The following PXK variants were observed in gnomAD, a reference collection of about 807,000 sequenced individuals.
The protein encoded by PXK is PX domain-containing protein kinase-like protein.
In PXK, 35 loss-of-function variants were observed where a neutral mutation model predicts 84.7. That is an observed-to-expected ratio of 0.41 (90% confidence interval 0.32 to 0.55). The LOEUF (loss-of-function observed/expected upper bound fraction) is 0.55. Among genes scored for constraint, PXK ranks in the 20% least tolerant of loss-of-function variants. The pLI is 0.21. For synonymous variants in PXK, 253 were observed against 260.8 expected, an observed-to-expected ratio of 0.97 and a Z score of 0.29; for missense variants, 634 against 699.7, an observed-to-expected ratio of 0.91 and a Z score of 1.06.
chr3:58,423,076 T>C, intron 17 of PXK: 2 of 985,408 alleles, frequency 2.0e-6, no homozygotes, highest in Non-Finnish European at 2.4e-6. Flanking sequence ...TCGGGCCCAC[T>C]TGGTGTTGCA....
In PXK at chr3:58,349,304, A is replaced by G. The variant is rs139648396; in HGVS notation, c.102+16214A>G. ...AGATCCATGTTATATTAAGTGAGAG[A>G]AAAAGCAAGTCATAACACACTATGT... On this transcript the variant is annotated intron_variant, in intron 1 of 17. Coordinates refer to ENST00000356151, the MANE Select transcript of PXK (RefSeq NM_017771.5). 2.8e-3 allele frequency among the ~76,000 whole-genome samples: 432 copies of G among 152,246 alleles called. 1 individual carries two copies. The highest frequency in any genetic ancestry group is 0.01 in the African/African-American group (419 of 41,542).
At chr3:58,345,491 C>T (rs1559865857) in intron 1 of PXK, among the ~76,000 whole-genome samples, 1 of 152,260 alleles carries the variant, frequency 6.6e-6, no homozygotes, top group South Asian at 2.1e-4. Context: ...TGTAGAATTA[C>T]CGTTTTTATG....
chr3:58,343,312 A>G (rs2097767469), intron 1 of PXK, among the ~76,000 whole-genome samples: 1 of 152,140 alleles, frequency 6.6e-6, no homozygotes, highest in African/African-American at 2.4e-5. Flanking sequence ...CTCACACCAG[A>G]CCTCTAGCAT....
chr3:58,367,870 A>C (rs2098298559), intron 2 of PXK, among the ~76,000 whole-genome samples: 1 of 151,954 alleles, frequency 6.6e-6, no homozygotes, highest in Admixed American at 6.6e-5. Context: ...TTTTTTATAG[A>C]GATGGGGTTT....
At chr3:58,373,171 A>G (rs939565286) in intron 3 of PXK, among the ~76,000 whole-genome samples, 2 of 147,278 alleles carry the variant, frequency 1.4e-5, no homozygotes, top group Non-Finnish European at 3.0e-5. Flanking sequence ...TCCACCTCCC[A>G]GGTTCACGCC....
At chr3:58,353,464 A>C (rs1343077480) in intron 1 of PXK, among the ~76,000 whole-genome samples, 1 of 152,218 alleles carries the variant, frequency 6.6e-6, no homozygotes, top group African/African-American at 2.4e-5. Context: ...GCATATTATT[A>C]GATTGCAGAA....
rs2097524999 is a variant in PXK, at chr3:58,333,140, G to A, written c.102+50G>A. 2.0e-6 allele frequency: 2 copies of A among 1,018,986 alleles called. No individual in the cohort carries two copies. Among genetic ancestry groups the A allele is most frequent in the South Asian group, 4.5e-5 (1 of 22,158 alleles). 63.1% of individuals were successfully genotyped at this position (1,018,986 alleles called of 1,614,324 possible). On this transcript the variant is annotated intron_variant, in intron 1 of 17. Coordinates refer to ENST00000356151, the MANE Select transcript of PXK (RefSeq NM_017771.5). This position sits in a 1 kb window ranked among gnomAD's most constrained non-coding sequence, Gnocchi z 5.4. ...GCGGCGTGGGGCGGCCCCGGGCCGCGAGGGGGCTGCGGGCTGCCTGGCGCG... is the reference window on the plus strand; with the variant it reads ...GCGGCGTGGGGCGGCCCCGGGCCGCAAGGGGGCTGCGGGCTGCCTGGCGCG...
intron 17 of PXK, among the ~76,000 whole-genome samples, chr3:58,418,470 G>A (rs549415959): frequency 6.6e-6 from 1 of 152,266 alleles, no homozygotes; most frequent in South Asian, 2.1e-4. Context: ...TTTCTTCAGG[G>A]TGCGCTGCAG....
At chr3:58,403,503 A>G (rs1365684940) in intron 12 of PXK, among the ~76,000 whole-genome samples, 1 of 152,254 alleles carries the variant, frequency 6.6e-6, no homozygotes, top group Non-Finnish European at 1.5e-5. Context: ...GAAAAATAGC[A>G]GAAAACTATT....
At position 58,425,164 on chromosome 3, in the gene PXK, A is replaced by G; in HGVS notation, c.*204A>G. 1 of 754,006 alleles carries G rather than the reference A, an allele frequency of 1.3e-6. No homozygotes were observed. The highest frequency in any genetic ancestry group is 2.1e-6 in the Non-Finnish European group (1 of 484,050). 46.7% of individuals were successfully genotyped at this position (754,006 alleles called of 1,614,324 possible). ...GTTAGGCTGGCATTGCTCCCTTAAG[A>G]TCTTGCTCCTTTATTAACCCTGTAA... On this transcript the variant is annotated 3_prime_UTR_variant, in exon 18 of 18. Transcript: ENST00000356151.
chr3:58,360,986 C>T (rs187007908), intron 1 of PXK, among the ~76,000 whole-genome samples: 5 of 152,004 alleles, frequency 3.3e-5, no homozygotes, highest in Non-Finnish European at 7.4e-5. Flanking sequence ...TAATTATTAC[C>T]TGGGGAAGCT....
rs557720082 is a variant in PXK at position 58,394,955 on chromosome 3, A to G, written c.616-43A>G. ...AGATCCTGTATTTAAAAGGACCTAGATCCTGACGCAAATCAATGTGAATTT... is the reference window on the plus strand; with the variant it reads ...AGATCCTGTATTTAAAAGGACCTAGGTCCTGACGCAAATCAATGTGAATTT... On this transcript the variant is annotated intron_variant, in intron 7 of 17. Transcript: ENST00000356151. 38 of 1,471,820 alleles carry G rather than the reference A, an allele frequency of 2.6e-5. No homozygotes were observed. The South Asian group carries it at 4.3e-4, about 17-fold the overall frequency. 91.2% of individuals were successfully genotyped at this position (1,471,820 alleles called of 1,614,324 possible).
chr3:58,390,066 T>C lies in PXK; in HGVS notation c.389-516T>C, dbSNP rs1459027717. ...GATGGCCCATGCTTGTAGTCCCAGC[T>C]ATTCGGGAGGCTGAGGTGGGAGGAT... On this transcript the variant is annotated intron_variant, in intron 4 of 17. Coordinates refer to ENST00000356151, the MANE Select transcript of PXK (RefSeq NM_017771.5). The surrounding 1 kb of genome is among the most constrained non-coding windows in gnomAD (Gnocchi z 4.2). Among the ~76,000 whole-genome samples the C allele has an allele frequency of 6.9e-6, 1 of 145,732 alleles. No homozygotes were observed. The highest frequency in any genetic ancestry group is 2.6e-5 in the African/African-American group (1 of 38,912).
chr3:58,369,475 A>G lies in PXK; in HGVS notation c.198A>G (p.Leu66=). ...YSDFDLLNNS[L]QIAGLSLPLP... ...ACTTTGATTTGCTTAACAACAGCTT[A>G]CAGGTAAATGTTTTGAAATTCTAAT... The change falls in exon 3 of 18, where the codon TTA becomes TTG. Residue 66 remains leucine (L), a synonymous_variant. Coordinates refer to ENST00000356151, the MANE Select transcript of PXK (RefSeq NM_017771.5). 1 of 1,608,236 alleles carries G rather than the reference A, an allele frequency of 6.2e-7. No homozygotes were observed. Among genetic ancestry groups the G allele is most frequent in the East Asian group, 2.2e-5 (1 of 44,870 alleles).
rs1195208458 is a variant in PXK, at chr3:58,412,183, G to C, written c.1466-718G>C. Among the ~76,000 whole-genome samples the C allele has an allele frequency of 6.6e-6, 1 of 152,056 alleles. No homozygotes were observed. The highest frequency in any genetic ancestry group is 2.4e-5 in the African/African-American group (1 of 41,400). ...TGTGTCCACAGAAAGGCTTACGTAG[G>C]AACCTCTGCTCATTGGGCTACTTCA... On this transcript the variant is annotated intron_variant, in intron 16 of 17. Coordinates refer to ENST00000356151, the MANE Select transcript of PXK (RefSeq NM_017771.5). The surrounding 1 kb of genome is among the most constrained non-coding windows in gnomAD (Gnocchi z 6.2).
intron 16 of PXK, among the ~76,000 whole-genome samples, chr3:58,410,934 T>C (rs183251623): frequency 5.9e-5 from 9 of 152,234 alleles, no homozygotes; most frequent in Admixed American, 5.9e-4. Flanking sequence ...GAGGGGGAAT[T>C]TGAAGATGCA....
At chr3:58,334,923 G>A (rs1266787275) in intron 1 of PXK, among the ~76,000 whole-genome samples, 1 of 147,156 alleles carries the variant, frequency 6.8e-6, no homozygotes, top group Admixed American at 6.8e-5. Context: ...TGTTTTTATT[G>A]TAAGGGTGTG....
rs561564639 is a variant in PXK, at chr3:58,420,827, A to G, written c.1529-3925A>G. The G allele has an allele frequency of 1.8e-4, 240 of 1,313,020 alleles. 2 individuals carry two copies. In the South Asian group the frequency reaches 4.0e-3, roughly 22 times the overall value. 81.3% of individuals were successfully genotyped at this position (1,313,020 alleles called of 1,614,324 possible). Reference sequence around the variant, plus strand: ...GATTTCAGTTTTAAAATACAGCTCTAAAACCTGCAAATCAACTGCATGGCA... The same window carrying G: ...GATTTCAGTTTTAAAATACAGCTCTGAAACCTGCAAATCAACTGCATGGCA... On this transcript the variant is annotated intron_variant, in intron 17 of 17. Coordinates refer to ENST00000356151, the MANE Select transcript of PXK (RefSeq NM_017771.5).
Position 58,391,664 on chromosome 3 carries a change from C to T in PXK, c.541-109C>T, listed in dbSNP as rs373767996. ...AGGCAGCCAGACTTAGTGTTGTTTT[C>T]GTCTTTGGTTTCCAGTCATATTTTG... On this transcript the variant is annotated intron_variant, in intron 6 of 17. Transcript: ENST00000356151. 499 of 1,006,702 alleles carry T rather than the reference C, an allele frequency of 5.0e-4. 1 individual carries two copies. Among genetic ancestry groups the T allele is most frequent in the South Asian group, 3.6e-3 (268 of 74,910 alleles). 62.4% of individuals were successfully genotyped at this position (1,006,702 alleles called of 1,614,324 possible).
Sources: allele counts gnomAD v4.1 joint callset (sites outside exome capture counted in the v4.1 genomes callset), GRCh38; gene constraint gnomAD v4.1.1; non-coding constraint Gnocchi (gnomAD v3.1); transcripts MANE v1.5; gene names NCBI Gene and HGNC (gene_info 2026-07-23, HGNC 2026-07-21).